Variants in HIVEP3 observed in about 807,000 individuals in gnomAD.
HIVEP3 encodes transcription factor HIVEP3.
In HIVEP3, 49 loss-of-function variants were observed where a neutral mutation model predicts 152.8. That is an observed-to-expected ratio of 0.32 (90% CI 0.26 to 0.41). HIVEP3 has a LOEUF of 0.41. Among genes scored for constraint, HIVEP3 ranks in the 10% least tolerant of loss-of-function variants. The probability of loss-of-function intolerance (pLI) is 1.00; values close to 1 mark genes in which losing one functional copy is unlikely to be tolerated. For synonymous variants in HIVEP3, 1,269 were observed against 1,289.0 expected, an observed-to-expected ratio of 0.98 and a Z score of 0.33; for missense variants, 2,790 against 3,103.3, an observed-to-expected ratio of 0.90 and a Z score of 2.40.
In HIVEP3 at chr1:41,706,347, T is replaced by C. The variant is rs1646433757; in HGVS notation, c.-800-5352A>G. 4.6e-5 allele frequency among the ~76,000 whole-genome samples: 7 copies of C among 152,326 alleles called. 1 individual carries two copies. The South Asian group carries it at 1.2e-3, about 27-fold the overall frequency. On this transcript the variant is annotated intron_variant, in intron 1 of 8. Coordinates refer to ENST00000372583, the MANE Select transcript of HIVEP3 (RefSeq NM_024503.5). The stretch of plus-strand genomic sequence containing the variant: ...CTCTGTTGTTCAAGCTGAAGTGTGA[T>C]CTCAGTTCACTGCAACCTCTGCCTC...
In HIVEP3 at chr1:41,821,458, A is replaced by G. The variant is rs184046805; in HGVS notation, c.-801+96955T>C. On this transcript the variant is annotated intron_variant, in intron 1 of 8. Coordinates refer to ENST00000372583, the MANE Select transcript of HIVEP3 (RefSeq NM_024503.5). ...GGGCCTATGTCAAGCATCGGAGCAG[A>G]TATCTCTCAACTGCAGGACACAAAA... 7.2e-4 allele frequency among the ~76,000 whole-genome samples: 110 copies of G among 152,250 alleles called. 1 individual carries two copies. The East Asian group carries it at 0.02, about 28-fold the overall frequency.
chr1:41,781,748 C>CT (rs1285545097), intron 1 of HIVEP3, among the ~76,000 whole-genome samples: 26 of 152,196 alleles, frequency 1.7e-4, no homozygotes, highest in Admixed American at 1.7e-3. Context: ...GTAGCCAGGC[C>CT]TAGCTACTTG....
intron 1 of HIVEP3, among the ~76,000 whole-genome samples, chr1:41,840,009 A>G (rs1380299124): frequency 6.6e-6 from 1 of 152,208 alleles, no homozygotes; most frequent in Non-Finnish European, 1.5e-5. Context: ...CAAGTGGCAT[A>G]GTGACAGAAC....
At chr1:41,809,492 A>C (rs1488183415) in intron 1 of HIVEP3, among the ~76,000 whole-genome samples, 3 of 152,328 alleles carry the variant, frequency 2.0e-5, no homozygotes, top group South Asian at 2.1e-4. Flanking sequence ...CAGGAGATGC[A>C]AATTGTTTTC....
At chr1:41,778,273 C>T (rs1324456304) in intron 1 of HIVEP3, among the ~76,000 whole-genome samples, 2 of 152,208 alleles carry the variant, frequency 1.3e-5, no homozygotes. Flanking sequence ...CCCCATTTGA[C>T]AAGGCAAGAG....
At chr1:41,717,618 G>A (rs1570386967) in intron 1 of HIVEP3, among the ~76,000 whole-genome samples, 2 of 152,178 alleles carry the variant, frequency 1.3e-5, no homozygotes, top group Admixed American at 1.3e-4. Flanking sequence ...CCTGAGGCAG[G>A]AATAAGCCTG....
chr1:41,963,005 GT>G (rs375003247), intron 1 of HIVEP3, among the ~76,000 whole-genome samples: 2 of 150,838 alleles, frequency 1.3e-5, no homozygotes, highest in African/African-American at 2.4e-5. Flanking sequence ...ACCAAAAGTT[GT>G]TTTTTTTTGT....
At chr1:41,586,110 C>T (rs962437466) in intron 3 of HIVEP3, among the ~76,000 whole-genome samples, 4 of 152,236 alleles carry the variant, frequency 2.6e-5, no homozygotes, top group African/African-American at 9.6e-5. Flanking sequence ...TCTGGCTTTG[C>T]AGCCTTTCCT....
intron 5 of HIVEP3, among the ~76,000 whole-genome samples, chr1:41,562,599 CTT>C (rs751865835): frequency 0.059 from 2,187 of 37,078 alleles, 59 homozygotes; most frequent in African/African-American, 0.11. Flanking sequence ...TCCTTCCTTT[CTT>C]TCTCTCTCTC....
At position 41,507,739 on chromosome 1, in the gene HIVEP3, A is replaced by T. The variant is rs1440410731; in HGVS notation, c.*2712T>A. 1 of 152,382 alleles carries T rather than the reference A, an allele frequency of 6.6e-6. No individual in the cohort carries two copies. The highest frequency in any genetic ancestry group is 1.5e-5 in the Non-Finnish European group (1 of 68,182). 9.4% of individuals were successfully genotyped at this position (152,382 alleles called of 1,614,324 possible). A position where few individuals can be genotyped will look rare whatever the true frequency, so the allele number is the denominator to read the frequency against. On this transcript the variant is annotated 3_prime_UTR_variant, in exon 9 of 9. Coordinates refer to ENST00000372583, the MANE Select transcript of HIVEP3 (RefSeq NM_024503.5). ...GTGCATGGGGCGAGCGTCTTTCTCCAAATCATGAAGGTGTACCTGTGGGCT... is the reference window on the plus strand; with the variant it reads ...GTGCATGGGGCGAGCGTCTTTCTCCTAATCATGAAGGTGTACCTGTGGGCT...
chr1:41,543,459 A>C (rs1180067198), intron 5 of HIVEP3: 1 of 152,252 alleles, frequency 6.6e-6, no homozygotes, highest in Non-Finnish European at 1.5e-5. Context: ...CAGAGATTAA[A>C]GGAGGTGGTA....
At chr1:41,868,718 G>A (rs1349927231) in intron 1 of HIVEP3, among the ~76,000 whole-genome samples, 1 of 152,214 alleles carries the variant, frequency 6.6e-6, no homozygotes, top group African/African-American at 2.4e-5. Context: ...GGCTTGCTCA[G>A]CAGAGGTCTG....
intron 1 of HIVEP3, among the ~76,000 whole-genome samples, chr1:41,943,341 A>G (rs1645057575): frequency 6.6e-6 from 1 of 152,250 alleles, no homozygotes; most frequent in Admixed American, 6.5e-5. Flanking sequence ...TGAATGTATC[A>G]TATTTTATAG....
intron 2 of HIVEP3, among the ~76,000 whole-genome samples, chr1:41,690,435 T>C (rs1646179609): frequency 6.6e-6 from 1 of 152,178 alleles, no homozygotes; most frequent in Admixed American, 6.5e-5. Flanking sequence ...CAATGCCTTC[T>C]CTGAGTCCTC....
chr1:41,764,990 G>C (rs993541117), intron 1 of HIVEP3, among the ~76,000 whole-genome samples: 3 of 152,218 alleles, frequency 2.0e-5, no homozygotes, highest in Non-Finnish European at 2.9e-5. Flanking sequence ...CATTTTTAGA[G>C]AAAACTGTCA....
intron 5 of HIVEP3, among the ~76,000 whole-genome samples, chr1:41,556,247 CA>C (rs1195130121): frequency 6.6e-6 from 1 of 152,226 alleles, no homozygotes; most frequent in Non-Finnish European, 1.5e-5. Flanking sequence ...CTCCCACCAG[CA>C]GCGTACAAAG....
intron 5 of HIVEP3, among the ~76,000 whole-genome samples, chr1:41,529,439 TCACACCCCACACC>T (rs1643162859): frequency 1.7e-5 from 1 of 57,196 alleles, no homozygotes; most frequent in Non-Finnish European, 3.6e-5. Context: ...TCACACATGC[TCACACCCCACACC>T]CTCACACTCC....
intron 1 of HIVEP3, among the ~76,000 whole-genome samples, chr1:41,834,646 T>C (rs1440596809): frequency 2.0e-5 from 3 of 152,124 alleles, no homozygotes; most frequent in African/African-American, 7.2e-5. Flanking sequence ...ATTGAGCACC[T>C]ACTCAGTGCC....
chr1:41,881,784 A>C (rs566455993), intron 1 of HIVEP3, among the ~76,000 whole-genome samples: 1 of 152,328 alleles, frequency 6.6e-6, no homozygotes, highest in South Asian at 2.1e-4. Context: ...TCTTTTTAAA[A>C]ATGTGTTTTA....
Sources: allele counts gnomAD v4.1 joint callset (sites outside exome capture counted in the v4.1 genomes callset), GRCh38; gene constraint gnomAD v4.1.1; transcripts MANE v1.5; gene names NCBI Gene and HGNC (gene_info 2026-07-23, HGNC 2026-07-21).